Variants in FAM120B observed in about 807,000 individuals in gnomAD.
FAM120B encodes the protein constitutive coactivator of peroxisome proliferator-activated receptor gamma.
A neutral mutation model predicts 96.3 loss-of-function variants in FAM120B; 83 were observed. The ratio of observed to expected loss-of-function variants is 0.86; its 90% confidence interval spans 0.72 to 1.03. The LOEUF is 1.03. Among genes scored for constraint, FAM120B ranks in the 50% least tolerant of loss-of-function variants. The pLI is 0.00. For synonymous variants in FAM120B, 407 were observed against 402.7 expected (o/e 1.01, Z -0.13); for missense variants, 1,027 against 1,121.2 (o/e 0.92, Z 1.20).
intron 2 of FAM120B, among the ~76,000 whole-genome samples, chr6:170,322,149 T>C (rs1487632909): frequency 6.6e-6 from 1 of 152,242 alleles, no homozygotes; most frequent in Non-Finnish European, 1.5e-5. Context: ...TCTCATCACC[T>C]ACCATGAGCC....
chr6:170,290,840 G>A (rs1783846525), upstream of FAM120B: 1 of 634,822 alleles, frequency 1.6e-6, no homozygotes, highest in Middle Eastern at 4.1e-4. The surrounding 1 kb of genome is among the most constrained non-coding windows in gnomAD (Gnocchi z 4.7). Context: ...GCCGGGCCGT[G>A]GGAGGAGGCT....
intron 4 of FAM120B, among the ~76,000 whole-genome samples, chr6:170,343,678 T>A (rs973825371): frequency 2.6e-5 from 4 of 152,088 alleles, no homozygotes; most frequent in Admixed American, 6.5e-5. Flanking sequence ...CTGGCTGGTG[T>A]GTTAAAACAC....
At chr6:170,296,809 C>A (rs1225652398) in intron 1 of FAM120B, among the ~76,000 whole-genome samples, 1 of 152,148 alleles carries the variant, frequency 6.6e-6, no homozygotes, top group Non-Finnish European at 1.5e-5. Flanking sequence ...GCGGCCGCCA[C>A]CCTCCGCCTC....
At chr6:170,360,103 A>G (rs1324788659) in intron 6 of FAM120B, among the ~76,000 whole-genome samples, 1 of 152,254 alleles carries the variant, frequency 6.6e-6, no homozygotes, top group South Asian at 2.1e-4. Context: ...GAAGTATTAC[A>G]GAAAGGAACC....
At position 170,318,483 on chromosome 6, in the gene FAM120B, G is replaced by A. The variant is rs755018700; in HGVS notation, c.1093G>A (p.Val365Ile). ...MCTGPESRREVPVYTDSEPRQ... is the reference protein window; with the variant it reads ...MCTGPESRREIPVYTDSEPRQ... ...TACAGGCCCTGAATCCAGGCGAGAA[G>A]TTCCCGTGTATACAGATTCTGAACC... The change falls in exon 2 of 11, where the codon GTT becomes ATT. Residue 365 changes from valine (V) to isoleucine (I), a missense_variant. By Grantham distance (29) the Val-to-Ile change is conservative (BLOSUM62 3). Around this residue, in one of 3 missense-constraint regions of FAM120B, gnomAD observed 880 missense variants for 980.9 expected, o/e 0.90. Transcript: ENST00000476287. 1.3e-6 allele frequency: 2 copies of A among 1,586,694 alleles called. No homozygotes were observed. The highest frequency in any genetic ancestry group is 8.6e-7 in the Non-Finnish European group (1 of 1,163,428).
chr6:170,290,854 C>T, upstream of FAM120B: 1 of 652,502 alleles, frequency 1.5e-6, no homozygotes, highest in South Asian at 1.7e-5. The surrounding 1 kb of genome is among the most constrained non-coding windows in gnomAD (Gnocchi z 4.7). Flanking sequence ...GGAGGCTCTG[C>T]GCCGCGGCTG....
chr6:170,381,941 G>A (rs1789929432), intron 6 of FAM120B, among the ~76,000 whole-genome samples: 2 of 152,126 alleles, frequency 1.3e-5, no homozygotes, highest in African/African-American at 4.8e-5. Flanking sequence ...CCAATATCAG[G>A]GATATTAGGG....
At chr6:170,357,525 C>T (rs1788029585) in intron 5 of FAM120B, among the ~76,000 whole-genome samples, 1 of 152,158 alleles carries the variant, frequency 6.6e-6, no homozygotes, top group Admixed American at 6.5e-5. Context: ...TTAGTAGGGT[C>T]TCATATTGTG....
chr6:170,294,313 C>T (rs1231941884), upstream of FAM120B, among the ~76,000 whole-genome samples: 3 of 152,156 alleles, frequency 2.0e-5, no homozygotes, highest in Non-Finnish European at 2.9e-5. This position sits in a 1 kb window ranked among gnomAD's most constrained non-coding sequence, Gnocchi z 7.9. Flanking sequence ...CTCATTAGGG[C>T]TTAGAAGGCA....
At chr6:170,390,606 T>C (rs1790430537) in intron 7 of FAM120B, among the ~76,000 whole-genome samples, 1 of 152,246 alleles carries the variant, frequency 6.6e-6, no homozygotes, top group Non-Finnish European at 1.5e-5. Context: ...GTTTTTTTTC[T>C]GACGTTGGCA....
chr6:170,357,378 C>T (rs2115180729), intron 5 of FAM120B, among the ~76,000 whole-genome samples: 1 of 152,244 alleles, frequency 6.6e-6, no homozygotes, highest in East Asian at 1.9e-4. Context: ...TCCGTGTCTT[C>T]CCCGCTCTTC....
intron 6 of FAM120B, among the ~76,000 whole-genome samples, chr6:170,366,688 G>A (rs189564572): frequency 1.4e-4 from 22 of 152,174 alleles, no homozygotes; most frequent in Admixed American, 1.4e-3. Context: ...GAGGGTGAAA[G>A]ACTAGGTGAG....
intron 5 of FAM120B, among the ~76,000 whole-genome samples, chr6:170,351,305 C>A (rs1787562537): frequency 6.6e-6 from 1 of 152,056 alleles, no homozygotes; most frequent in Non-Finnish European, 1.5e-5. Context: ...TGTGAAGAGA[C>A]CAAACTTATG....
intron 4 of FAM120B, among the ~76,000 whole-genome samples, chr6:170,334,866 C>T (rs908383240): frequency 6.6e-6 from 1 of 151,998 alleles, no homozygotes; most frequent in African/African-American, 2.4e-5. Flanking sequence ...TTTTTGCAAG[C>T]ATGAAATTAG....
rs758435301 is a variant in FAM120B, at chr6:170,317,845, C to CT, written c.458dup (p.Leu153PhefsTer10). On this transcript the variant is annotated frameshift_variant, in exon 2 of 11. Coordinates refer to ENST00000476287, the MANE Select transcript of FAM120B (RefSeq NM_032448.3). LOFTEE classifies it high-confidence loss of function. ...GCTCTAAAGACACTGGGCCAGGAAA[C>CT]TTTGTGTTCTTTGCAGGAAGCAGAT... is the stretch of plus-strand genomic sequence containing the variant. 19 of 1,614,112 alleles carry CT rather than the reference C, an allele frequency of 1.2e-5. No homozygotes were observed. In the Admixed American group the frequency reaches 1.8e-4, roughly 16 times the overall value.
upstream of FAM120B, chr6:170,290,726 C>T: frequency 8.0e-6 from 3 of 376,118 alleles, no homozygotes; most frequent in South Asian, 8.4e-5. This position sits in a 1 kb window ranked among gnomAD's most constrained non-coding sequence, Gnocchi z 4.7. Context: ...GGCGGTCGTT[C>T]CGGGAGCACT....
intron 6 of FAM120B, among the ~76,000 whole-genome samples, chr6:170,387,700 A>C (rs1790265001): frequency 6.6e-6 from 1 of 152,266 alleles, no homozygotes; most frequent in Non-Finnish European, 1.5e-5. Flanking sequence ...AGTGAGATAC[A>C]TAAGCCATTT....
chr6:170,385,996 G>A (rs1209471522), intron 6 of FAM120B, among the ~76,000 whole-genome samples: 1 of 152,166 alleles, frequency 6.6e-6, no homozygotes, highest in Non-Finnish European at 1.5e-5. Context: ...GCAGGCAGGC[G>A]GGAGGGCTTT....
intron 6 of FAM120B, among the ~76,000 whole-genome samples, chr6:170,366,636 G>A (rs572569155): frequency 4.6e-5 from 7 of 152,334 alleles, no homozygotes; most frequent in African/African-American, 1.4e-4. Context: ...ATGGTCTCTG[G>A]TGTGGGGTGA....
Sources: allele counts gnomAD v4.1 joint callset (sites outside exome capture counted in the v4.1 genomes callset), GRCh38; gene constraint gnomAD v4.1.1; regional missense constraint gnomAD v4.1.1; non-coding constraint Gnocchi (gnomAD v3.1); transcripts MANE v1.5; gene names NCBI Gene and HGNC (gene_info 2026-07-23, HGNC 2026-07-21).